CDC73: variants seen among roughly 807,000 people sequenced by gnomAD.
CDC73 encodes the protein parafibromin.
CDC73 carries 21 observed loss-of-function variants against 83.7 expected under a neutral mutation model. The ratio of observed to expected loss-of-function variants is 0.25; its 90% confidence interval spans 0.18 to 0.36. The LOEUF (loss-of-function observed/expected upper bound fraction) is 0.36. Ranked by LOEUF, CDC73 falls within the 10% of genes least tolerant of loss-of-function variation. CDC73 has a pLI of 1.00. For missense variants in CDC73, 342 were observed against 653.3 expected, an observed-to-expected ratio of 0.52 and a Z score of 5.19; for synonymous variants, 224 against 212.9, an observed-to-expected ratio of 1.05 and a Z score of -0.45.
intron 7 of CDC73, among the ~76,000 whole-genome samples, chr1:193,146,377 A>G (rs1334159265): frequency 2.0e-5 from 3 of 152,196 alleles, no homozygotes; most frequent in African/African-American, 7.2e-5. Flanking sequence ...TGGGTAATTT[A>G]TGAAGACAAG....
At chr1:193,242,923 G>T (rs1003778674) in intron 15 of CDC73, among the ~76,000 whole-genome samples, 2 of 151,630 alleles carry the variant, frequency 1.3e-5, no homozygotes, top group African/African-American at 4.8e-5. Context: ...TCTTACAAAA[G>T]AACTTTATTT....
chr1:193,129,330 C>A (rs1675648114), intron 2 of CDC73, among the ~76,000 whole-genome samples: 1 of 151,342 alleles, frequency 6.6e-6, no homozygotes, highest in African/African-American at 2.4e-5. Context: ...TGGAGTTTGA[C>A]CATGTTGGCC....
chr1:193,230,235 G>A (rs1677637822), intron 13 of CDC73, among the ~76,000 whole-genome samples: 1 of 144,906 alleles, frequency 6.9e-6, no homozygotes, highest in Non-Finnish European at 1.5e-5. Context: ...TGCAACCTCT[G>A]CCTTCTGAGA....
In CDC73 at chr1:193,245,172, A is replaced by G. The variant is rs1277575451; in HGVS notation, c.1418-4558A>G. On this transcript the variant is annotated intron_variant, in intron 15 of 16. Transcript: ENST00000367435. ...AATAGTCAGTTTCCTCCTTCTAGCTATTTGAAACTATGTATTATTGTTAAC... is the reference window on the plus strand; with the variant it reads ...AATAGTCAGTTTCCTCCTTCTAGCTGTTTGAAACTATGTATTATTGTTAAC... Among the ~76,000 whole-genome samples the G allele has an allele frequency of 2.6e-5, 4 of 152,136 alleles. No homozygotes were observed. The East Asian group carries it at 7.7e-4, about 29-fold the overall frequency.
At position 193,253,283 on chromosome 1, in the gene CDC73, C is replaced by G. The variant is rs1300084825; in HGVS notation, c.*2571C>G. ...GGTCATCAGTATTTTTTTTAAAGTT[C>G]TCCAGGTAATTTGAATGTGCAGGAA... On this transcript the variant is annotated 3_prime_UTR_variant, in exon 17 of 17. Coordinates refer to ENST00000367435, the MANE Select transcript of CDC73 (RefSeq NM_024529.5). The G allele has an allele frequency of 5.2e-5, 12 of 232,074 alleles. No individual in the cohort carries two copies. The highest frequency in any genetic ancestry group is 1.1e-4 in the African/African-American group (5 of 45,228). The allele number at this position is 232,074 out of a possible 1,614,324, so 14.4% of individuals were successfully genotyped here.
At chr1:193,135,198 T>C (rs577391021) in intron 3 of CDC73, among the ~76,000 whole-genome samples, 193 bp from the exon 4 acceptor site, 1 of 152,296 alleles carries the variant, frequency 6.6e-6, no homozygotes, top group East Asian at 1.9e-4. Context: ...TAGTTTGTCC[T>C]CTTAGAGACT....
At chr1:193,170,201 G>A (rs1676496746) in intron 10 of CDC73, among the ~76,000 whole-genome samples, 1 of 152,086 alleles carries the variant, frequency 6.6e-6, no homozygotes, top group Admixed American at 6.6e-5. Flanking sequence ...ATCATTGATG[G>A]GTATTTAGGT....
At chr1:193,240,609 T>A (rs902246114) in intron 15 of CDC73, among the ~76,000 whole-genome samples, 2 of 152,256 alleles carry the variant, frequency 1.3e-5, no homozygotes, top group African/African-American at 4.8e-5. Context: ...TGGTTAGTGA[T>A]GTTGAACATT....
chr1:193,159,997 A>G (rs1173160618), intron 10 of CDC73, among the ~76,000 whole-genome samples: 1 of 152,168 alleles, frequency 6.6e-6, no homozygotes, highest in African/African-American at 2.4e-5. Flanking sequence ...TATAAAGCGA[A>G]TATTATTTTT....
intron 13 of CDC73, among the ~76,000 whole-genome samples, chr1:193,223,918 A>G (rs138558364): frequency 6.7e-6 from 1 of 149,478 alleles, no homozygotes; most frequent in Non-Finnish European, 1.5e-5. Context: ...AGGTACATGT[A>G]ATATTTTGAC....
intron 10 of CDC73, among the ~76,000 whole-genome samples, chr1:193,163,924 G>A (rs1238118309): frequency 6.6e-6 from 1 of 151,972 alleles, no homozygotes; most frequent in Non-Finnish European, 1.5e-5. Flanking sequence ...TATTACAGGT[G>A]CCCGCCACCA....
chr1:193,127,311 G>GTGTA (rs766878019), intron 2 of CDC73, among the ~76,000 whole-genome samples: 1 of 149,410 alleles, frequency 6.7e-6, no homozygotes, highest in Non-Finnish European at 1.5e-5. Context: ...GTGTGTGTGT[G>GTGTA]TGTGTGATTA....
At chr1:193,233,945 G>A (rs1457339885) in intron 14 of CDC73, among the ~76,000 whole-genome samples, 1 of 151,588 alleles carries the variant, frequency 6.6e-6, no homozygotes, top group East Asian at 1.9e-4. Flanking sequence ...TACAGAGAAC[G>A]CAACACATGG....
intron 15 of CDC73, among the ~76,000 whole-genome samples, chr1:193,247,893 C>G (rs901407684): frequency 8.5e-5 from 13 of 152,146 alleles, no homozygotes; most frequent in Middle Eastern, 3.4e-3. Flanking sequence ...TAAGCCATCT[C>G]TATAAAATAA....
intron 10 of CDC73, among the ~76,000 whole-genome samples, chr1:193,178,225 G>T (rs1469587847): frequency 6.6e-6 from 1 of 152,098 alleles, no homozygotes; most frequent in Non-Finnish European, 1.5e-5. Context: ...GTTTGATCCA[G>T]TCGCCTTTGA....
At chr1:193,226,503 A>G (rs1297487183) in intron 13 of CDC73, among the ~76,000 whole-genome samples, 1 of 152,110 alleles carries the variant, frequency 6.6e-6, no homozygotes, top group East Asian at 1.9e-4. Context: ...TTGTCTGCCA[A>G]TTTTGCTGAG....
At chr1:193,230,276 G>C (rs1431204599) in intron 13 of CDC73, among the ~76,000 whole-genome samples, 1 of 151,102 alleles carries the variant, frequency 6.6e-6, no homozygotes, top group Non-Finnish European at 1.5e-5. Flanking sequence ...AGCTTCCAGA[G>C]TAGCTGGGAT....
chr1:193,174,480 A>G (rs189544067), intron 10 of CDC73, among the ~76,000 whole-genome samples: 9 of 152,294 alleles, frequency 5.9e-5, no homozygotes, highest in Admixed American at 5.9e-4. Flanking sequence ...TTTCAAATGA[A>G]TCTGAAGCCT....
intron 13 of CDC73, among the ~76,000 whole-genome samples, chr1:193,224,215 T>G (rs924448093): frequency 1.3e-5 from 2 of 150,708 alleles, no homozygotes; most frequent in African/African-American, 4.9e-5. Context: ...TGTTTACTTG[T>G]TTTTTTTTGG....
Sources: allele counts gnomAD v4.1 joint callset (sites outside exome capture counted in the v4.1 genomes callset), GRCh38; gene constraint gnomAD v4.1.1; transcripts MANE v1.5; gene names NCBI Gene and HGNC (gene_info 2026-07-23, HGNC 2026-07-21).